The following AUTS2 variants were observed in gnomAD, a reference collection of about 807,000 sequenced individuals.
The protein encoded by AUTS2 is activator of transcription and developmental regulator AUTS2, also known as autism susceptibility gene 2 protein.
AUTS2 carries 17 observed loss-of-function variants against 112.4 expected under a neutral mutation model. The ratio of observed to expected loss-of-function variants is 0.15; its 90% CI spans 0.10 to 0.23. The LOEUF is 0.23. Ranked by LOEUF, AUTS2 falls within the 10% of genes least tolerant of loss-of-function variation. AUTS2 has a pLI of 1.00. For synonymous variants in AUTS2, 751 were observed against 702.7 expected (o/e 1.07, Z -1.09); for missense variants, 1,510 against 1,701.6 (o/e 0.89, Z 1.98).
intron 4 of AUTS2, among the ~76,000 whole-genome samples, chr7:70,386,681 C>T (rs533226443): frequency 3.3e-5 from 5 of 152,292 alleles, no homozygotes; most frequent in African/African-American, 1.2e-4. Flanking sequence ...TTGGGGGTTG[C>T]TGGTTCTTAC....
chr7:70,108,783 CAAAAA>C (rs528009205), intron 2 of AUTS2, among the ~76,000 whole-genome samples: 76 of 69,148 alleles, frequency 1.1e-3, no homozygotes, highest in Admixed American at 2.0e-3. Context: ...GCCAACATGG[CAAAAA>C]AAAAAAAAAA....
chr7:70,646,711 A>G (rs1347557545), intron 5 of AUTS2, among the ~76,000 whole-genome samples: 2 of 152,252 alleles, frequency 1.3e-5, no homozygotes, highest in Non-Finnish European at 2.9e-5. Flanking sequence ...AGCTGTAGGC[A>G]AGATTGACTC....
chr7:70,443,373 G>A (rs971649092), intron 5 of AUTS2, among the ~76,000 whole-genome samples: 18 of 152,254 alleles, frequency 1.2e-4, no homozygotes, highest in Middle Eastern at 3.4e-3. Context: ...ATGGTGCCTA[G>A]CATTAGTTTT....
intron 15 of AUTS2, chr7:70,782,776 T>G (rs540112006): frequency 6.6e-6 from 1 of 152,342 alleles, no homozygotes; most frequent in East Asian, 1.9e-4. Flanking sequence ...ACCCCAGGCT[T>G]TTATCCAAGA....
Position 70,764,755 on chromosome 7 carries a change from C to T in AUTS2, c.1218C>T (p.Ser406=). The T allele has an allele frequency of 1.4e-6, 1 of 730,956 alleles. No individual in the cohort carries two copies. Among genetic ancestry groups the T allele is most frequent in the Non-Finnish European group, 2.5e-6 (1 of 397,140 alleles). The allele number at this position is 730,956 out of a possible 1,614,324, so 45.3% of individuals were successfully genotyped here. Residue 406 remains serine, a synonymous_variant, in exon 8 of 19, where the codon AGC becomes AGT. Coordinates refer to ENST00000342771, the MANE Select transcript of AUTS2 (RefSeq NM_015570.4). ...CTTTTTTTTCTTGTTCCGATAGCAG[C>T]AGCAGAAGCAGCACTCCAGCGAAGA... ...SSSLSLNSLS[S]SRSSTPAKTQ... is the part of the protein sequence containing the mutation.
intron 5 of AUTS2, among the ~76,000 whole-genome samples, chr7:70,550,760 T>C (rs1800985180): frequency 6.6e-6 from 1 of 152,172 alleles, no homozygotes; most frequent in Admixed American, 6.5e-5. Context: ...TTTACAGATC[T>C]GTGCATATAA....
intron 1 of AUTS2, among the ~76,000 whole-genome samples, chr7:69,843,327 T>G (rs940194709): frequency 6.6e-6 from 1 of 152,000 alleles, no homozygotes; most frequent in African/African-American, 2.4e-5. Context: ...GGGGCATTCA[T>G]GTTGGAATGG....
At chr7:69,765,796 A>C (rs1294584025) in intron 1 of AUTS2, among the ~76,000 whole-genome samples, 1 of 151,926 alleles carries the variant, frequency 6.6e-6, no homozygotes, top group Non-Finnish European at 1.5e-5. Flanking sequence ...AAAGAAAAAA[A>C]ATTATCTGGG....
chr7:70,254,700 TA>T (rs1378515968), intron 4 of AUTS2, among the ~76,000 whole-genome samples: 5 of 152,222 alleles, frequency 3.3e-5, no homozygotes, highest in African/African-American at 1.2e-4. Context: ...TTGTAGTTTG[TA>T]ATCTCCTTAA....
At chr7:70,595,595 G>C (rs1221582551) in intron 5 of AUTS2, among the ~76,000 whole-genome samples, 1 of 152,036 alleles carries the variant, frequency 6.6e-6, no homozygotes, top group South Asian at 2.1e-4. Context: ...GAAAGACTAG[G>C]AATGAGGACA....
At chr7:70,052,101 A>T (rs769200815) in intron 2 of AUTS2, among the ~76,000 whole-genome samples, 26 of 152,220 alleles carry the variant, frequency 1.7e-4, no homozygotes, top group Non-Finnish European at 3.4e-4. Context: ...TTAAATGATG[A>T]GTATTGTGCA....
intron 4 of AUTS2, among the ~76,000 whole-genome samples, chr7:70,148,445 G>A (rs991455439): frequency 6.6e-6 from 1 of 151,982 alleles, no homozygotes; most frequent in African/African-American, 2.4e-5. Context: ...AATTCTTGCT[G>A]TACTGAATCT....
intron 6 of AUTS2, among the ~76,000 whole-genome samples, chr7:70,746,012 A>C (rs2129554721): frequency 6.6e-6 from 1 of 152,350 alleles, no homozygotes; most frequent in Non-Finnish European, 1.5e-5. Flanking sequence ...GTGGTTAAAG[A>C]AATCAACGAT....
intron 2 of AUTS2, among the ~76,000 whole-genome samples, chr7:69,967,649 G>A (rs750133432): frequency 1.3e-5 from 2 of 152,010 alleles, no homozygotes; most frequent in African/African-American, 2.4e-5. Flanking sequence ...ACTCAGCATC[G>A]GAAAGAAGCC....
intron 2 of AUTS2, among the ~76,000 whole-genome samples, chr7:69,912,818 A>G (rs575915399): frequency 6.6e-6 from 1 of 152,220 alleles, no homozygotes; most frequent in African/African-American, 2.4e-5. Flanking sequence ...TCAGAGTCAC[A>G]AAATGCCTTT....
At chr7:69,742,047 C>G (rs1409798742) in intron 1 of AUTS2, among the ~76,000 whole-genome samples, 2 of 151,718 alleles carry the variant, frequency 1.3e-5, no homozygotes, top group Non-Finnish European at 2.9e-5. Flanking sequence ...GTGATCCTTT[C>G]CACCTCAGCC....
chr7:70,512,850 C>A (rs537487574), intron 5 of AUTS2, among the ~76,000 whole-genome samples: 8 of 146,006 alleles, frequency 5.5e-5, no homozygotes, highest in East Asian at 4.0e-4. Context: ...AAAAAAAAAA[C>A]CATGCAGCTT....
intron 5 of AUTS2, among the ~76,000 whole-genome samples, chr7:70,659,600 AGT>A (rs1806960380): frequency 6.6e-6 from 1 of 152,178 alleles, no homozygotes; most frequent in Non-Finnish European, 1.5e-5. Context: ...CAGGGGTTCA[AGT>A]TATGGACATT....
At chr7:69,928,444 G>GT (rs1796107266) in intron 2 of AUTS2, among the ~76,000 whole-genome samples, 1 of 152,198 alleles carries the variant, frequency 6.6e-6, no homozygotes, top group Non-Finnish European at 1.5e-5. Flanking sequence ...GCTGTCCACA[G>GT]TAAGGCTGTC....
Sources: gnomAD v4.1 joint callset for allele counts (sites outside exome capture counted in the v4.1 genomes callset) on GRCh38, gnomAD v4.1.1 for gene constraint, MANE v1.5 for transcripts, NCBI Gene and HGNC (gene_info 2026-07-23, HGNC 2026-07-21) for gene names.